Variants in NADSYN1 observed in about 807,000 individuals in gnomAD.
NADSYN1 encodes the protein NAD synthetase 1.
Under a neutral mutation model 99.3 loss-of-function variants are expected in NADSYN1, and 80 were observed. The ratio of observed to expected loss-of-function variants is 0.81; its 90% CI spans 0.67 to 0.97. The LOEUF is 0.97. NADSYN1 is among the 50% of genes least tolerant of loss of function. The pLI, the probability that NADSYN1 is intolerant of heterozygous loss-of-function variation, is 0.00. For missense variants in NADSYN1, 859 were observed against 948.5 expected (o/e 0.91, Z 1.24); for synonymous variants, 385 against 372.1 (o/e 1.03, Z -0.40).
chr11:71,497,829 C>T (rs2298776), intron 19 of NADSYN1, among the ~76,000 whole-genome samples: 12,688 of 151,916 alleles, frequency 0.084, 632 homozygotes, highest in African/African-American at 0.14. Context: ...CAGGTAAACA[C>T]GACATGAAAC....
intron 17 of NADSYN1, 115 bp from the exon 18 acceptor site, chr11:71,491,719 G>C: frequency 1.1e-6 from 1 of 918,676 alleles, no homozygotes; most frequent in Non-Finnish European, 1.7e-6. Flanking sequence ...CCTACCCACG[G>C]TGAACGGAGT....
intron 18 of NADSYN1, among the ~76,000 whole-genome samples, chr11:71,494,186 C>T (rs1055193623): frequency 2.6e-5 from 4 of 152,208 alleles, no homozygotes; most frequent in Non-Finnish European, 4.4e-5. Flanking sequence ...TCACCCAGAG[C>T]GGCTTCCAGT....
At chr11:71,481,569 C>A in intron 12 of NADSYN1, 165 bp downstream of exon 12, 1 of 707,806 alleles carries the variant, frequency 1.4e-6, no homozygotes, top group Non-Finnish European at 2.3e-6. Flanking sequence ...TAGCCAGAGG[C>A]AAGGTGGGCA....
Position 71,481,384 on chromosome 11 carries a change from T to C in NADSYN1, c.1027T>C (p.Phe343Leu). 1 of 1,614,156 alleles carries C rather than the reference T, an allele frequency of 6.2e-7. No homozygotes were observed. The highest frequency in any genetic ancestry group is 8.5e-7 in the Non-Finnish European group (1 of 1,180,024). ...SLGPACWLWD[F>L]LRRSQQAGFL... Reference sequence around the variant, plus strand: ...TGGACCTGCCTGCTGGCTCTGGGATTTTTTAAGACGAAGTCAACAGGTAAG... The same window carrying C: ...TGGACCTGCCTGCTGGCTCTGGGATCTTTTAAGACGAAGTCAACAGGTAAG... Residue 343 changes from phenylalanine to leucine, a missense_variant, in exon 12 of 21, where the codon TTT becomes CTT. By Grantham distance (22) the Phe-to-Leu change is conservative. Coordinates refer to ENST00000319023, the MANE Select transcript of NADSYN1 (RefSeq NM_018161.5).
Position 71,485,640 on chromosome 11 carries a change from G to A in NADSYN1, c.1554G>A (p.Val518=). Residue 518 remains valine, a synonymous_variant, in exon 16 of 21, where the codon GTG becomes GTA. Coordinates refer to ENST00000319023, the MANE Select transcript of NADSYN1 (RefSeq NM_018161.5). Reference sequence around the variant, plus strand: ...TCCTCGTGCTGGGATCCGCCAACGTGGATGAGAGGTGAGTGTGGCCCAGTG... The same window carrying A: ...TCCTCGTGCTGGGATCCGCCAACGTAGATGAGAGGTGAGTGTGGCCCAGTG... The part of the protein sequence containing the change: ...GGLLVLGSAN[V]DESLLGYLTK... 1 of 1,553,664 alleles carries A rather than the reference G, an allele frequency of 6.4e-7. No homozygotes were observed. Among genetic ancestry groups the A allele is most frequent in the East Asian group, 2.4e-5 (1 of 41,442 alleles).
intron 10 of NADSYN1, chr11:71,479,340 C>T (rs1347619765): frequency 6.6e-6 from 1 of 151,906 alleles, no homozygotes; most frequent in South Asian, 2.1e-4. Context: ...AAGCAATCCT[C>T]TTGCCTCGGC....
At chr11:71,477,747 GGGCTGC>G (rs1276101098) in intron 9 of NADSYN1, among the ~76,000 whole-genome samples, 1 of 152,180 alleles carries the variant, frequency 6.6e-6, no homozygotes, top group Non-Finnish European at 1.5e-5. Flanking sequence ...GTGGATGCCG[GGGCTGC>G]GGCTCCGCCT....
rs1356398766 is a variant in NADSYN1 at position 71,463,931 on chromosome 11, G to C, written c.318-122G>C. ...CCCAGAGAAGGAGAGAGATTTGCTC[G>C]GGGCCCCATTCTCAAGCTGACTCTG... On this transcript the variant is annotated intron_variant, in intron 4 of 20. Coordinates refer to ENST00000319023, the MANE Select transcript of NADSYN1 (RefSeq NM_018161.5). 5 of 772,722 alleles carry C rather than the reference G, an allele frequency of 6.5e-6. No individual in the cohort carries two copies. The East Asian group carries it at 1.1e-4, about 17-fold the overall frequency. 47.9% of individuals were successfully genotyped at this position (772,722 alleles called of 1,614,324 possible).
Position 71,481,963 on chromosome 11 carries a change from C to G in NADSYN1, c.1088C>G (p.Ala363Gly). The change falls in exon 13 of 21, where the codon GCA (alanine) becomes GGA (glycine). Residue 363 changes from alanine to glycine, a missense_variant. Coordinates refer to ENST00000319023, the MANE Select transcript of NADSYN1 (RefSeq NM_018161.5). ...LLPLSGGVDS[A>G]ATACLIYSMC... Reference sequence around the variant, plus strand: ...CCCTTGAGTGGCGGGGTGGACAGCGCAGCCACCGCCTGCCTCATCTACTCC... The same window carrying G: ...CCCTTGAGTGGCGGGGTGGACAGCGGAGCCACCGCCTGCCTCATCTACTCC... The G allele has an allele frequency of 6.2e-7, 1 of 1,607,500 alleles. No individual in the cohort carries two copies. Among genetic ancestry groups the G allele is most frequent in the Non-Finnish European group, 8.5e-7 (1 of 1,177,370 alleles).
intron 9 of NADSYN1, among the ~76,000 whole-genome samples, chr11:71,477,591 T>A (rs1393672759): frequency 6.6e-6 from 1 of 152,224 alleles, no homozygotes; most frequent in Admixed American, 6.5e-5. Flanking sequence ...ATAAAGATAT[T>A]TTTTCATGAA....
intron 9 of NADSYN1, chr11:71,476,971 G>A: frequency 9.8e-7 from 1 of 1,016,438 alleles, no homozygotes; most frequent in Non-Finnish European, 1.2e-6. Context: ...GTGGCCACAG[G>A]CCTGCTGTAT....
chr11:71,488,633 C>T (rs549980827), intron 16 of NADSYN1, among the ~76,000 whole-genome samples: 5 of 151,870 alleles, frequency 3.3e-5, no homozygotes, highest in Admixed American at 6.6e-5. Context: ...GCAGAGATCA[C>T]TGGGAACAGG....
At chr11:71,496,110 A>C (rs571581593) in intron 18 of NADSYN1, among the ~76,000 whole-genome samples, 1 of 152,166 alleles carries the variant, frequency 6.6e-6, no homozygotes, top group South Asian at 2.1e-4. Context: ...GACAGGCTGC[A>C]TCTGCTCCAT....
intron 20 of NADSYN1, chr11:71,499,628 G>T (rs1180690278): frequency 6.6e-6 from 1 of 152,126 alleles, no homozygotes; most frequent in Non-Finnish European, 1.5e-5. Context: ...CAATGAAAAA[G>T]GATAGGCCCT....
chr11:71,468,588 G>T (rs1027555023), intron 5 of NADSYN1, among the ~76,000 whole-genome samples: 1 of 152,210 alleles, frequency 6.6e-6, no homozygotes, highest in Non-Finnish European at 1.5e-5. Context: ...ATAAATGGAA[G>T]TGAGTTCTTT....
At position 71,498,456 on chromosome 11, in the gene NADSYN1, C is replaced by T. The variant is rs780866807; in HGVS notation, c.1998C>T (p.Asp666=). The T allele has an allele frequency of 3.1e-6, 5 of 1,614,220 alleles. No individual in the cohort carries two copies. The South Asian group carries it at 5.5e-5, about 18-fold the overall frequency. ...AYHAENYSPE[D]NRFDLRPFLY... ...ACGCCGAGAACTACAGCCCTGAGGACAACAGGTTTGATCTGCGACCATTTC... is the reference window on the plus strand; with the variant it reads ...ACGCCGAGAACTACAGCCCTGAGGATAACAGGTTTGATCTGCGACCATTTC... The change falls in exon 20 of 21, where the codon GAC becomes GAT. Residue 666 remains aspartate (D), a synonymous_variant. Transcript: ENST00000319023.
Position 71,498,519 on chromosome 11 carries a change from A to G in NADSYN1, c.2061A>G (p.Ile687Met). 1 of 1,613,936 alleles carries G rather than the reference A, an allele frequency of 6.2e-7. No individual in the cohort carries two copies. Among genetic ancestry groups the G allele is most frequent in the South Asian group, 1.1e-5 (1 of 91,050 alleles). Reference protein sequence around the residue: ...NTSWPWQFRCIENQVLQLERA... With the variant: ...NTSWPWQFRCMENQVLQLERA... ...GCTGGCCTTGGCAGTTTCGGTGCAT[A>G]GAAAATCAGGTAAATCCAGCAGAAA... Residue 687 changes from isoleucine to methionine, a missense_variant, in exon 20 of 21, where the codon ATA (isoleucine) becomes ATG (methionine). Transcript: ENST00000319023.
chr11:71,460,440 T>G (rs1232765725), intron 3 of NADSYN1, among the ~76,000 whole-genome samples: 1 of 152,256 alleles, frequency 6.6e-6, no homozygotes, highest in East Asian at 1.9e-4. Context: ...AGCCTCGACC[T>G]CCTGGGCTTG....
intron 9 of NADSYN1, 152 bp downstream of exon 9, chr11:71,474,678 G>C (rs1949652886): frequency 9.8e-7 from 1 of 1,019,796 alleles, no homozygotes; most frequent in South Asian, 1.3e-5. Flanking sequence ...TGTAAGCCGG[G>C]CGCTTAGTGA....
Sources: gnomAD v4.1 joint callset for allele counts (sites outside exome capture counted in the v4.1 genomes callset) on GRCh38, gnomAD v4.1.1 for gene constraint, MANE v1.5 for transcripts, NCBI Gene and HGNC (gene_info 2026-07-23, HGNC 2026-07-21) for gene names.